Variants in XKR4 observed in about 807,000 individuals in gnomAD.
The protein encoded by XKR4 is XK-related protein 4.
In XKR4, 12 loss-of-function variants were observed where a neutral mutation model predicts 53.9. That is an observed-to-expected ratio of 0.22 (90% CI 0.14 to 0.36). The LOEUF is 0.36. Among genes scored for constraint, XKR4 ranks in the 10% least tolerant of loss-of-function variants. The pLI is 1.00. For missense variants in XKR4, 799 were observed against 859.5 expected, an observed-to-expected ratio of 0.93 and a Z score of 0.88; for synonymous variants, 354 against 362.4, an observed-to-expected ratio of 0.98 and a Z score of 0.26.
At chr8:55,446,529 A>G (rs766885675) in intron 2 of XKR4, among the ~76,000 whole-genome samples, 7 of 152,060 alleles carry the variant, frequency 4.6e-5, no homozygotes, top group Non-Finnish European at 8.8e-5. Flanking sequence ...GCTGTATTTT[A>G]GTAGAGATGA....
intron 2 of XKR4, among the ~76,000 whole-genome samples, chr8:55,428,284 T>C (rs1005869091): frequency 3.9e-5 from 6 of 152,118 alleles, no homozygotes; most frequent in Non-Finnish European, 8.8e-5. Context: ...TTCCCTGAGT[T>C]TTCTTTTTGC....
intron 1 of XKR4, among the ~76,000 whole-genome samples, chr8:55,184,132 T>C (rs577400136): frequency 6.6e-6 from 1 of 152,070 alleles, no homozygotes; most frequent in Non-Finnish European, 1.5e-5. Context: ...TAAAAAAAAA[T>C]TTAGCTGAAT....
intron 1 of XKR4, among the ~76,000 whole-genome samples, chr8:55,304,013 T>C (rs186903706): frequency 0.028 from 4,219 of 152,280 alleles, 195 homozygotes; most frequent in African/African-American, 0.094. Context: ...TCTTCTCTGA[T>C]CTTAGTTATT....
At chr8:55,518,922 A>G (rs1806756012) in intron 2 of XKR4, among the ~76,000 whole-genome samples, 3 of 152,198 alleles carry the variant, frequency 2.0e-5, no homozygotes, top group Admixed American at 1.3e-4. Context: ...AATCACACCA[A>G]TGGTGTTTCT....
intron 2 of XKR4, among the ~76,000 whole-genome samples, chr8:55,426,378 C>T (rs1805013830): frequency 6.6e-6 from 1 of 152,082 alleles, no homozygotes; most frequent in Non-Finnish European, 1.5e-5. Context: ...CTTGCGCTCT[C>T]TCTCTCTCTC....
intron 2 of XKR4, among the ~76,000 whole-genome samples, chr8:55,376,437 A>C (rs1804153029): frequency 6.6e-6 from 1 of 152,104 alleles, no homozygotes; most frequent in Non-Finnish European, 1.5e-5. Context: ...GGCATGAGAT[A>C]GTATCTCATT....
At chr8:55,350,362 A>G (rs560798728) in intron 1 of XKR4, among the ~76,000 whole-genome samples, 2 of 152,236 alleles carry the variant, frequency 1.3e-5, no homozygotes, top group Non-Finnish European at 2.9e-5. Flanking sequence ...TTAATCTAGA[A>G]TATTTTCCTG....
At chr8:55,267,234 C>A (rs933807286) in intron 1 of XKR4, among the ~76,000 whole-genome samples, 70 of 151,780 alleles carry the variant, frequency 4.6e-4, no homozygotes, top group African/African-American at 1.6e-3. Flanking sequence ...GAAAAAAAAA[C>A]CTATGGGTTA....
chr8:55,467,767 T>C (rs1049675013), intron 2 of XKR4, among the ~76,000 whole-genome samples: 6 of 152,194 alleles, frequency 3.9e-5, no homozygotes, highest in Non-Finnish European at 8.8e-5. Flanking sequence ...AAGATTATTA[T>C]GGCCTTTGGC....
At chr8:55,425,949 G>T (rs947902230) in intron 2 of XKR4, among the ~76,000 whole-genome samples, 1 of 152,100 alleles carries the variant, frequency 6.6e-6, no homozygotes, top group African/African-American at 2.4e-5. Context: ...AGTCTAGCAC[G>T]GGGGCTCTCA....
chr8:55,376,567 G>A (rs1747239952), intron 2 of XKR4, among the ~76,000 whole-genome samples: 1 of 151,986 alleles, frequency 6.6e-6, no homozygotes, highest in South Asian at 2.1e-4. Context: ...ACTTTTTAAT[G>A]GGGTTGTTTG....
intron 1 of XKR4, among the ~76,000 whole-genome samples, chr8:55,333,423 G>A (rs761356994): frequency 6.6e-6 from 1 of 152,042 alleles, no homozygotes; most frequent in Non-Finnish European, 1.5e-5. Flanking sequence ...GTCTTCTCAG[G>A]ACTTTTCTGG....
chr8:55,139,467 T>A (rs888717664), intron 1 of XKR4, among the ~76,000 whole-genome samples: 2 of 142,628 alleles, frequency 1.4e-5, no homozygotes, highest in Non-Finnish European at 3.0e-5. Flanking sequence ...AAACTTTTAG[T>A]GAGCCACTGT....
chr8:55,176,563 T>C (rs987053463), intron 1 of XKR4, among the ~76,000 whole-genome samples: 3 of 152,210 alleles, frequency 2.0e-5, no homozygotes, highest in Admixed American at 2.0e-4. Context: ...CAATTCATTT[T>C]ATTTATAGTA....
intron 2 of XKR4, among the ~76,000 whole-genome samples, chr8:55,396,395 T>C: frequency 1.2e-5 from 1 of 81,344 alleles, no homozygotes; most frequent in South Asian, 4.3e-4. Context: ...TTTTTTTTTG[T>C]TTGGTTTTTT....
chr8:55,219,771 C>T (rs1373013324), intron 1 of XKR4, among the ~76,000 whole-genome samples: 4 of 152,144 alleles, frequency 2.6e-5, no homozygotes, highest in African/African-American at 9.7e-5. Context: ...ATAATCTTTA[C>T]TCTTCCCTTT....
chr8:55,444,137 C>T (rs917741271), intron 2 of XKR4, among the ~76,000 whole-genome samples: 1 of 152,158 alleles, frequency 6.6e-6, no homozygotes, highest in Non-Finnish European at 1.5e-5. Context: ...CACCACTGTA[C>T]TCCAGCCTGG....
chr8:55,500,104 C>A (rs1290806548), intron 2 of XKR4, among the ~76,000 whole-genome samples: 1 of 148,972 alleles, frequency 6.7e-6, no homozygotes, highest in Non-Finnish European at 1.5e-5. Flanking sequence ...ATGCTCTGTG[C>A]TGCAGGGAGG....
rs762778438 is a variant in XKR4 at position 55,523,417 on chromosome 8, C to T, written c.1143C>T (p.Phe381=). The change falls in exon 3 of 3, where the codon TTC becomes TTT. Residue 381 remains phenylalanine (F), a synonymous_variant. Coordinates refer to ENST00000327381, the MANE Select transcript of XKR4 (RefSeq NM_052898.2). ...AVIIQFCWHF[F]TIAARVITFA... is the part of the protein sequence containing the mutation. Reference sequence around the variant, plus strand: ...TCATCCAGTTCTGCTGGCACTTCTTCACCATCGCCGCCAGGGTCATCACGT... The same window carrying T: ...TCATCCAGTTCTGCTGGCACTTCTTTACCATCGCCGCCAGGGTCATCACGT... 1.9e-6 allele frequency: 3 copies of T among 1,614,244 alleles called. No individual in the cohort carries two copies. The highest frequency in any genetic ancestry group is 1.7e-6 in the Non-Finnish European group (2 of 1,180,044).
Sources: allele counts gnomAD v4.1 joint callset (sites outside exome capture counted in the v4.1 genomes callset), GRCh38; gene constraint gnomAD v4.1.1; transcripts MANE v1.5; gene names NCBI Gene and HGNC (gene_info 2026-07-23, HGNC 2026-07-21).